DCHS2: variants seen among roughly 807,000 people sequenced by gnomAD.
The protein encoded by DCHS2 is dachsous cadherin-related 2, also known as protocadherin-23.
In DCHS2, 142 loss-of-function variants were observed where a neutral mutation model predicts 182.4. The observed-to-expected ratio is 0.78, with a 90% CI of 0.68 to 0.89. The LOEUF (loss-of-function observed/expected upper bound fraction) is 0.89, where lower values mean the gene tolerates loss of function less well. DCHS2 is among the 40% of genes least tolerant of loss of function. The probability of loss-of-function intolerance (pLI) is 0.00; values close to 1 mark genes in which losing one functional copy is unlikely to be tolerated. For missense variants in DCHS2, 4,319 were observed against 4,198.6 expected, an observed-to-expected ratio of 1.03 and a Z score of -0.79; for synonymous variants, 1,740 against 1,663.3, an observed-to-expected ratio of 1.05 and a Z score of -1.12.
At chr4:154,250,997 G>A (rs6849402) in intron 16 of DCHS2, among the ~76,000 whole-genome samples, 3,649 of 152,220 alleles carry the variant, frequency 0.024, 156 homozygotes, top group African/African-American at 0.081. Context: ...ACACTTTCAC[G>A]TTCCCGTGCC....
At chr4:154,369,617 A>G (rs187200797) in intron 2 of DCHS2, among the ~76,000 whole-genome samples, 1 of 152,300 alleles carries the variant, frequency 6.6e-6, no homozygotes, top group African/African-American at 2.4e-5. Context: ...ATATAAGATA[A>G]TGAATGTTTG....
chr4:154,275,730 C>T (rs973485863), intron 13 of DCHS2, among the ~76,000 whole-genome samples: 8 of 152,072 alleles, frequency 5.3e-5, no homozygotes, highest in Non-Finnish European at 1.2e-4. Context: ...ACAAAAGAAA[C>T]AATCTTGCTG....
intron 3 of DCHS2, among the ~76,000 whole-genome samples, chr4:154,358,187 C>G (rs187666582): frequency 2.6e-5 from 4 of 152,266 alleles, no homozygotes; most frequent in Non-Finnish European, 1.5e-5. Flanking sequence ...TTTCTCATTA[C>G]AAATGCTTAA....
At position 154,490,569 on chromosome 4, in the gene DCHS2, G is replaced by T; in HGVS notation, c.787C>A (p.Arg263=). 8.4e-6 allele frequency: 13 copies of T among 1,542,874 alleles called. No individual in the cohort carries two copies. The highest frequency in any genetic ancestry group is 1.2e-5 in the South Asian group (1 of 83,964). ...RLDREEAAAH[R]LQIEAWDGGR... is the part of the protein sequence containing the mutation. ...CCGTCCCATGCCTCGATCTGCAGCC[G>T]GTGCGCCGCCGCCTCCTCTCGGTCC... is the stretch of plus-strand genomic sequence containing the variant. The change falls in exon 1 of 20, where the codon CGG becomes AGG. Residue 263 remains arginine (R), a synonymous_variant. Coordinates refer to ENST00000357232, the MANE Select transcript of DCHS2 (RefSeq NM_001358235.2).
chr4:154,342,076 A>C (rs1203325909), intron 3 of DCHS2, among the ~76,000 whole-genome samples: 1 of 152,210 alleles, frequency 6.6e-6, no homozygotes, highest in Admixed American at 6.5e-5. Flanking sequence ...CTGCAAAAAA[A>C]AGTGAGACAC....
At chr4:154,293,322 A>C (rs1326380367) in intron 13 of DCHS2, among the ~76,000 whole-genome samples, 1 of 151,986 alleles carries the variant, frequency 6.6e-6, no homozygotes, top group Non-Finnish European at 1.5e-5. Context: ...CCCGGATTAC[A>C]GGCAAGCGTC....
chr4:154,421,687 C>A (rs1007496980), intron 1 of DCHS2, among the ~76,000 whole-genome samples: 5 of 152,234 alleles, frequency 3.3e-5, no homozygotes, highest in African/African-American at 1.2e-4. Flanking sequence ...AGCCACCACG[C>A]CCGAACTCAT....
At chr4:154,384,272 C>T (rs564862750) in intron 1 of DCHS2, 22 of 1,496,730 alleles carry the variant, frequency 1.5e-5, no homozygotes, top group Admixed American at 2.3e-5. Flanking sequence ...ATTTGGCAGC[C>T]GTTCACACAG....
Position 154,377,302 on chromosome 4 carries a change from C to T in DCHS2, c.2195G>A (p.Arg732Lys). The T allele has an allele frequency of 6.2e-7, 1 of 1,613,674 alleles. No individual in the cohort carries two copies. Residue 732 changes from arginine (R) to lysine (K), a missense_variant, in exon 2 of 20, where the codon AGG becomes AAG. Coordinates refer to ENST00000357232, the MANE Select transcript of DCHS2 (RefSeq NM_001358235.2). Reference sequence around the variant, plus strand: ...ATCATAGGTAGCTGGATCCCTTTCCCTGTCGATATCTTGAGAAACACAGAT... The same window carrying T: ...ATCATAGGTAGCTGGATCCCTTTCCTTGTCGATATCTTGAGAAACACAGAT... ...GQICVSQDID[R>K]ERDPATYDLL...
In DCHS2 at chr4:154,333,344, C is replaced by A; in HGVS notation, c.2864G>T (p.Gly955Val). Residue 955 changes from glycine to valine, a missense_variant, in exon 5 of 20, where the codon GGC becomes GTC. Coordinates refer to ENST00000357232, the MANE Select transcript of DCHS2 (RefSeq NM_001358235.2). ...GGTGCTGCTGCAGGCTGGGGCGCTG[C>A]CGAGCTGCGCCTGCACCGTGAGCAC... ...VVVLTVQAQL[G>V]SAPACSSTEV... 3 of 1,614,108 alleles carry A rather than the reference C, an allele frequency of 1.9e-6. No individual in the cohort carries two copies. Among genetic ancestry groups the A allele is most frequent in the South Asian group, 1.1e-5 (1 of 91,080 alleles).
intron 2 of DCHS2, among the ~76,000 whole-genome samples, chr4:154,370,008 A>C (rs905337204): frequency 2.0e-5 from 3 of 152,192 alleles, no homozygotes; most frequent in Admixed American, 6.5e-5. Flanking sequence ...TGAATAGTAG[A>C]ATATTAATAA....
chr4:154,341,509 A>G (rs956947853), intron 3 of DCHS2, among the ~76,000 whole-genome samples: 8 of 151,766 alleles, frequency 5.3e-5, no homozygotes, highest in African/African-American at 1.7e-4. Context: ...ATATTCCTCC[A>G]TTTTTCATTT....
At chr4:154,270,121 T>C in intron 13 of DCHS2, 108 bp from the exon 14 acceptor site, 2 of 1,356,632 alleles carry the variant, frequency 1.5e-6, no homozygotes, top group Non-Finnish European at 2.0e-6. Flanking sequence ...TTTCACTTGT[T>C]CATTGATTCA....
chr4:154,370,393 G>T (rs1730586294), intron 2 of DCHS2, among the ~76,000 whole-genome samples: 1 of 152,146 alleles, frequency 6.6e-6, no homozygotes, highest in South Asian at 2.1e-4. Flanking sequence ...TAGGAGACTT[G>T]CTGTGAAGAA....
chr4:154,359,817 A>G (rs917924610), intron 3 of DCHS2, among the ~76,000 whole-genome samples: 1 of 152,054 alleles, frequency 6.6e-6, no homozygotes, highest in Non-Finnish European at 1.5e-5. Context: ...GGAAAAGTCC[A>G]CTGAGTTCTA....
At chr4:154,402,797 T>C (rs1020336758) in intron 1 of DCHS2, among the ~76,000 whole-genome samples, 10 of 152,208 alleles carry the variant, frequency 6.6e-5, no homozygotes, top group South Asian at 2.1e-4. Flanking sequence ...CAGCCAAACA[T>C]ATACACTAAT....
At chr4:154,317,856 C>T (rs1561036963) in intron 9 of DCHS2, among the ~76,000 whole-genome samples, 1 of 151,690 alleles carries the variant, frequency 6.6e-6, no homozygotes, top group African/African-American at 2.4e-5. Context: ...AATGCTTCTT[C>T]AAAAAAAGAA....
At chr4:154,324,535 T>C (rs780419583) in intron 7 of DCHS2, among the ~76,000 whole-genome samples, 2 of 152,144 alleles carry the variant, frequency 1.3e-5, no homozygotes, top group Admixed American at 6.5e-5. Flanking sequence ...TACATTCATA[T>C]TGATGCTTAT....
chr4:154,384,341 C>T (rs199530047), intron 1 of DCHS2: 79 of 1,605,708 alleles, frequency 4.9e-5, no homozygotes, highest in Non-Finnish European at 2.5e-5. Context: ...TGGCCCTCCT[C>T]CTCATGCACC....
Sources: gnomAD v4.1 joint callset for allele counts (sites outside exome capture counted in the v4.1 genomes callset) on GRCh38, gnomAD v4.1.1 for gene constraint, MANE v1.5 for transcripts, NCBI Gene and HGNC (gene_info 2026-07-23, HGNC 2026-07-21) for gene names.